Variants in CFAP74 observed in about 807,000 individuals in gnomAD.
CFAP74 encodes cilia- and flagella-associated protein 74.
Under a neutral mutation model 188.9 loss-of-function variants are expected in CFAP74, and 124 were observed. The ratio of observed to expected loss-of-function variants is 0.66; its 90% CI spans 0.57 to 0.76. The LOEUF (loss-of-function observed/expected upper bound fraction) is 0.76, where lower values mean the gene tolerates loss of function less well. Ranked by LOEUF, CFAP74 falls within the 30% of genes least tolerant of loss-of-function variation. CFAP74 has a pLI of 0.00. For synonymous variants in CFAP74, 956 were observed against 916.7 expected (o/e 1.04, Z -0.77); for missense variants, 2,198 against 2,165.2 (o/e 1.02, Z -0.30).
At chr1:1,992,370 T>C (rs1487765125) in intron 1 of CFAP74, among the ~76,000 whole-genome samples, 2 of 152,142 alleles carry the variant, frequency 1.3e-5, no homozygotes, top group Non-Finnish European at 2.9e-5. Flanking sequence ...CTCTCTTTGT[T>C]GCCCAGGCTA....
intron 1 of CFAP74, among the ~76,000 whole-genome samples, chr1:2,000,072 G>A (rs535340508): frequency 3.3e-5 from 5 of 152,000 alleles, no homozygotes; most frequent in Non-Finnish European, 7.4e-5. Context: ...GTTGAAGCAG[G>A]AGAGTTGCTT....
intron 11 of CFAP74, among the ~76,000 whole-genome samples, chr1:1,967,169 G>A (rs1252694725): frequency 2.6e-5 from 4 of 152,138 alleles, no homozygotes; most frequent in African/African-American, 9.7e-5. Context: ...AGCCATGCCC[G>A]GGAAAAGCCC....
intron 18 of CFAP74, among the ~76,000 whole-genome samples, chr1:1,950,781 C>T (rs745534976): frequency 6.6e-6 from 1 of 152,178 alleles, no homozygotes; most frequent in Non-Finnish European, 1.5e-5. Context: ...TTAACAGCGT[C>T]TTTCAAAAAG....
chr1:1,927,718 T>G lies in CFAP74; in HGVS notation c.3416A>C (p.Lys1139Thr). Residue 1139 changes from lysine (K) to threonine (T), a missense_variant, in exon 28 of 39, where the codon AAG becomes ACG. By Grantham distance (78) the Lys-to-Thr change is moderately conservative. Transcript: ENST00000682832. ...GGAGAATGACAGTCCATGCAGGTCC[T>G]TCCTCTGGGGGGCCATATTCTTTCG... ...SFRKNMAPQR[K>T]DLHGLSFSVL... is the part of the protein sequence containing the mutation. 6.5e-7 allele frequency: 1 copy of G among 1,550,090 alleles called. No homozygotes were observed. Among genetic ancestry groups the G allele is most frequent in the Non-Finnish European group, 8.7e-7 (1 of 1,146,758 alleles).
In CFAP74 at chr1:1,975,380, T is replaced by C. The variant is rs1656373954; in HGVS notation, c.501-1182A>G. On this transcript the variant is annotated intron_variant, in intron 6 of 38. Transcript: ENST00000682832. This position sits in a 1 kb window ranked among gnomAD's most constrained non-coding sequence, Gnocchi z 4.5. ...AGCCTTTTTCGGGGCTCCTAGGATA[T>C]AAACTCCAACTTGGCAAGGGAGGTG... 6.6e-6 allele frequency among the ~76,000 whole-genome samples: 1 copy of C among 152,216 alleles called. No individual in the cohort carries two copies. The highest frequency in any genetic ancestry group is 1.5e-5 in the Non-Finnish European group (1 of 68,038).
rs1367561097 is a variant in CFAP74, at chr1:1,968,038, GAATA to G, written c.1245+593_1245+596del. ...TGAATGAATGAGTGAATGAGTGAAT[GAATA>G]AGTGTATCAGTGAGTGAGTGAATGA... is the stretch of plus-strand genomic sequence containing the variant. On this transcript the variant is annotated intron_variant, in intron 11 of 38. Coordinates refer to ENST00000682832, the MANE Select transcript of CFAP74 (RefSeq NM_001304360.2). This position sits in a 1 kb window ranked among gnomAD's most constrained non-coding sequence, Gnocchi z 4.3. Among the ~76,000 whole-genome samples the G allele has an allele frequency of 6.6e-6, 1 of 152,092 alleles. No individual in the cohort carries two copies. Among genetic ancestry groups the G allele is most frequent in the East Asian group, 1.9e-4 (1 of 5,186 alleles).
intron 1 of CFAP74, among the ~76,000 whole-genome samples, chr1:1,999,650 C>T (rs762524450): frequency 1.3e-4 from 19 of 151,738 alleles, no homozygotes; most frequent in African/African-American, 4.6e-4. Flanking sequence ...AACCCCGTCT[C>T]TACAAAAAAT....
chr1:1,971,143 G>T (rs954061885), intron 9 of CFAP74, among the ~76,000 whole-genome samples: 2 of 131,786 alleles, frequency 1.5e-5, no homozygotes, highest in Admixed American at 1.5e-4. Flanking sequence ...ACACATGCTC[G>T]CACATGCACA....
intron 18 of CFAP74, among the ~76,000 whole-genome samples, chr1:1,951,107 T>C (rs1450525956): frequency 6.6e-6 from 1 of 152,148 alleles, no homozygotes; most frequent in Admixed American, 6.5e-5. Context: ...TGACTCACAG[T>C]TCCACCTGGC....
At position 1,970,771 on chromosome 1, in the gene CFAP74, G is replaced by C. The variant is rs762713969; in HGVS notation, c.934C>G (p.Leu312Val). Residue 312 changes from leucine to valine, a missense_variant, in exon 10 of 39, where the codon CTG becomes GTG. Transcript: ENST00000682832. The part of the protein sequence containing the change: ...FQAWDRAKAE[L>V]AEQRVQAEKK... ...TCAGCCTGGACCCTCTGCTCCGCCAGCTCTGCCTTGGCACGGTCCCATGCT... is the reference window on the plus strand; with the variant it reads ...TCAGCCTGGACCCTCTGCTCCGCCACCTCTGCCTTGGCACGGTCCCATGCT... The C allele has an allele frequency of 1.2e-6, 2 of 1,614,182 alleles. No homozygotes were observed. Among genetic ancestry groups the C allele is most frequent in the Non-Finnish European group, 8.5e-7 (1 of 1,180,004 alleles).
intron 15 of CFAP74, 56 bp from the exon 16 acceptor site, chr1:1,959,265 G>GTTT: frequency 4.6e-6 from 5 of 1,090,714 alleles, no homozygotes; most frequent in East Asian, 2.7e-5. Flanking sequence ...TGTGTGTTTT[G>GTTT]TTTTTTTTTT....
chr1:1,959,919 C>A, intron 15 of CFAP74, 45 bp downstream of exon 15: 1 of 1,517,564 alleles, frequency 6.6e-7, no homozygotes, highest in Non-Finnish European at 8.9e-7. Context: ...AGGCTCCACC[C>A]ACCACCACCT....
Position 1,973,068 on chromosome 1 carries a change from C to CA in CFAP74, c.675-22dup. On this transcript the variant is annotated intron_variant, in intron 7 of 38. Transcript: ENST00000682832. The surrounding 1 kb of genome is among the most constrained non-coding windows in gnomAD (Gnocchi z 6.2). ...ACTTCCTGTGGGGATATGGGGCCGT[C>CA]AGAGGGAAACTCGGCATCACACGTC... 1 of 1,573,204 alleles carries CA rather than the reference C, an allele frequency of 6.4e-7. No individual in the cohort carries two copies. The highest frequency in any genetic ancestry group is 8.7e-7 in the Non-Finnish European group (1 of 1,145,314).
intron 16 of CFAP74, among the ~76,000 whole-genome samples, chr1:1,957,917 C>T (rs36018191): frequency 6.6e-6 from 1 of 152,320 alleles, no homozygotes; most frequent in South Asian, 2.1e-4. Flanking sequence ...AGGAGCTGCT[C>T]GGGTGCCCTA....
At chr1:1,962,243 T>C (rs184880034) in intron 14 of CFAP74, among the ~76,000 whole-genome samples, 12 of 151,478 alleles carry the variant, frequency 7.9e-5, no homozygotes, top group Admixed American at 2.6e-4. Context: ...GAGGCCGAGG[T>C]GGGCCTCGGA....
rs778313918 is a variant in CFAP74, at chr1:1,939,547, C to T, written c.2877+47G>A. 100 of 1,507,456 alleles carry T rather than the reference C, an allele frequency of 6.6e-5. 2 individuals carry two copies. In the South Asian group the frequency reaches 9.1e-4, roughly 14 times the overall value. The allele number at this position is 1,507,456 out of a possible 1,614,324, so 93.4% of individuals were successfully genotyped here. On this transcript the variant is annotated intron_variant, in intron 24 of 38. Transcript: ENST00000682832. ...TGGCCGCTGCATCCTGTCCCCAGGA[C>T]TTCCCAGCCTCACCCCTCTTACCCC... is the stretch of plus-strand genomic sequence containing the variant.
intron 18 of CFAP74, chr1:1,955,137 G>A (rs577173525): frequency 5.8e-6 from 7 of 1,216,740 alleles, no homozygotes; most frequent in Admixed American, 2.9e-5. Context: ...CAGGGCGTGC[G>A]GAACGCGCAC....
chr1:1,955,410 C>T, intron 18 of CFAP74: 1 of 1,434,826 alleles, frequency 7.0e-7, no homozygotes, highest in Non-Finnish European at 9.3e-7. Flanking sequence ...AGCCTCTTCC[C>T]CGCCCTGTGC....
chr1:1,991,848 G>A (rs1249132828), intron 1 of CFAP74, among the ~76,000 whole-genome samples: 2 of 151,884 alleles, frequency 1.3e-5, no homozygotes, highest in Non-Finnish European at 2.9e-5. Flanking sequence ...GACTATCCTG[G>A]CTAGCACAGT....
Sources: allele counts gnomAD v4.1 joint callset (sites outside exome capture counted in the v4.1 genomes callset), GRCh38; gene constraint gnomAD v4.1.1; non-coding constraint Gnocchi (gnomAD v3.1); transcripts MANE v1.5; gene names NCBI Gene and HGNC (gene_info 2026-07-23, HGNC 2026-07-21).